The following IGSF21 variants were observed in gnomAD, a reference collection of about 807,000 sequenced individuals.
The protein encoded by IGSF21 is immunoglobin superfamily member 21.
Under a neutral mutation model 46.8 loss-of-function variants are expected in IGSF21, and 28 were observed. The observed-to-expected ratio is 0.60, with a 90% CI of 0.44 to 0.82. The LOEUF is 0.82. IGSF21 is among the 40% of genes least tolerant of loss of function. IGSF21 has a pLI of 0.00. For synonymous variants in IGSF21, 284 were observed against 273.6 expected (o/e 1.04, Z -0.38); for missense variants, 624 against 665.5 (o/e 0.94, Z 0.69).
At chr1:18,237,497 G>C (rs4920311) in intron 2 of IGSF21, among the ~76,000 whole-genome samples, 99,402 of 152,140 alleles carry the variant, frequency 0.65, 38,625 homozygotes, top group Non-Finnish European at 0.89. Flanking sequence ...CCCCACAGAC[G>C]AGCTGCTTCT....
chr1:18,248,560 A>G (rs2084805905), intron 2 of IGSF21, among the ~76,000 whole-genome samples: 1 of 152,138 alleles, frequency 6.6e-6, no homozygotes, highest in Non-Finnish European at 1.5e-5. Flanking sequence ...TGGGGCCTTG[A>G]GAGATTCATT....
rs542408995 is a variant in IGSF21 at position 18,342,045 on chromosome 1, A to G, written c.424+7035A>G. On this transcript the variant is annotated intron_variant, in intron 4 of 9. Transcript: ENST00000251296. ...GATTTTTATTAAGTGTGCCTGGTGC[A>G]TTTTCCTTGTTTTTTTTTTTTTTGT... Among the ~76,000 whole-genome samples, 198 of 94,996 alleles carry G rather than the reference A, an allele frequency of 2.1e-3. 2 individuals carry two copies. The highest frequency in any genetic ancestry group is 7.0e-3 in the African/African-American group (186 of 26,440). 62.3% of individuals were successfully genotyped at this position (94,996 alleles called of 152,430 possible). A position where few individuals can be genotyped will look rare whatever the true frequency, so the allele number is the denominator to read the frequency against.
intron 1 of IGSF21, among the ~76,000 whole-genome samples, chr1:18,140,430 T>C (rs1193095769): frequency 1.3e-5 from 2 of 152,130 alleles, no homozygotes; most frequent in African/African-American, 4.8e-5. Context: ...TTTCTCACAG[T>C]CTGCATCTCG....
chr1:18,212,423 G>C (rs934364975), intron 1 of IGSF21, among the ~76,000 whole-genome samples: 2 of 152,178 alleles, frequency 1.3e-5, no homozygotes, highest in African/African-American at 4.8e-5. Flanking sequence ...TTCTCCAATA[G>C]AACATTTCAG....
chr1:18,274,232 G>T (rs1399350889), intron 2 of IGSF21, among the ~76,000 whole-genome samples: 1 of 152,072 alleles, frequency 6.6e-6, no homozygotes, highest in Non-Finnish European at 1.5e-5. Flanking sequence ...GCCTATGAAG[G>T]CTATAACCAC....
intron 2 of IGSF21, among the ~76,000 whole-genome samples, chr1:18,288,099 G>T (rs2085233067): frequency 6.6e-6 from 1 of 152,204 alleles, no homozygotes; most frequent in Admixed American, 6.5e-5. Flanking sequence ...CCATTTCACA[G>T]ATGAGGAAAC....
In IGSF21 at chr1:18,299,444, G is replaced by A. The variant is rs115943466; in HGVS notation, c.305+7457G>A. Reference sequence around the variant, plus strand: ...CAAAGAAAAGTGCCATCTGACCCTCGTTGATTTCAAAGTCTGAATTCTCCA... The same window carrying A: ...CAAAGAAAAGTGCCATCTGACCCTCATTGATTTCAAAGTCTGAATTCTCCA... On this transcript the variant is annotated intron_variant, in intron 3 of 9. Coordinates refer to ENST00000251296, the MANE Select transcript of IGSF21 (RefSeq NM_032880.5). Among the ~76,000 whole-genome samples the A allele has an allele frequency of 4.6e-3, 693 of 152,276 alleles. 1 individual carries two copies. The highest frequency in any genetic ancestry group is 0.01 in the Middle Eastern group (3 of 294).
chr1:18,133,248 C>T (rs1315663041), intron 1 of IGSF21, among the ~76,000 whole-genome samples: 1 of 152,210 alleles, frequency 6.6e-6, no homozygotes, highest in African/African-American at 2.4e-5. Flanking sequence ...CCTGAGGCCC[C>T]CAGAGCATGT....
At chr1:18,176,874 G>A (rs992277327) in intron 1 of IGSF21, among the ~76,000 whole-genome samples, 2 of 152,250 alleles carry the variant, frequency 1.3e-5, no homozygotes, top group East Asian at 3.8e-4. Flanking sequence ...CAGGCCAGCT[G>A]TGACTTTAGC....
chr1:18,161,684 T>G (rs1378469088), intron 1 of IGSF21, among the ~76,000 whole-genome samples: 1 of 152,080 alleles, frequency 6.6e-6, no homozygotes, highest in Non-Finnish European at 1.5e-5. Context: ...AACAAACACA[T>G]GTTTGAAAGG....
rs553542560 is a variant in IGSF21, at chr1:18,292,363, C to T, written c.305+376C>T. On this transcript the variant is annotated intron_variant, in intron 3 of 9. Transcript: ENST00000251296. ...CGCTGGGCGGTGAAGCAGTTCTGCCCGGCTTGGAAGCTCAAACACCACATT... is the reference window on the plus strand; with the variant it reads ...CGCTGGGCGGTGAAGCAGTTCTGCCTGGCTTGGAAGCTCAAACACCACATT... Among the ~76,000 whole-genome samples, 631 of 152,340 alleles carry T rather than the reference C, an allele frequency of 4.1e-3. 10 individuals carry two copies. Among genetic ancestry groups the T allele is most frequent in the Middle Eastern group, 6.8e-3 (2 of 294 alleles).
At chr1:18,375,118 C>T (rs914213453) in intron 6 of IGSF21, among the ~76,000 whole-genome samples, 11 of 152,186 alleles carry the variant, frequency 7.2e-5, no homozygotes, top group Admixed American at 3.3e-4. Flanking sequence ...TCTGAGCCCC[C>T]TCCCTTGGTC....
chr1:18,364,968 A>G (rs895074604), intron 5 of IGSF21, among the ~76,000 whole-genome samples: 25 of 152,172 alleles, frequency 1.6e-4, no homozygotes, highest in African/African-American at 5.5e-4. Context: ...ACTGAGGCTC[A>G]AAAAACCTCA....
chr1:18,216,484 G>C (rs544817088), intron 1 of IGSF21, among the ~76,000 whole-genome samples: 48 of 152,232 alleles, frequency 3.2e-4, no homozygotes, highest in African/African-American at 1.2e-3. Context: ...TAGGGGGCTG[G>C]GTACCTTAGA....
Position 18,142,066 on chromosome 1 carries a change from G to A in IGSF21, c.70+33868G>A, listed in dbSNP as rs561266715. Among the ~76,000 whole-genome samples the A allele has an allele frequency of 5.9e-5, 9 of 152,120 alleles. No homozygotes were observed. In the South Asian group the frequency reaches 1.2e-3, roughly 21 times the overall value. ...GCCTGGGCAACAGAGTGATACTGTC[G>A]CAAAATAATTTTTATATGTATATGT... On this transcript the variant is annotated intron_variant, in intron 1 of 9. Coordinates refer to ENST00000251296, the MANE Select transcript of IGSF21 (RefSeq NM_032880.5).
At chr1:18,311,140 T>A (rs1254478446) in intron 3 of IGSF21, among the ~76,000 whole-genome samples, 3 of 152,178 alleles carry the variant, frequency 2.0e-5, no homozygotes, top group Admixed American at 2.0e-4. Context: ...AAAGAACATG[T>A]ACACATTCAC....
chr1:18,153,966 C>T (rs769014012), intron 1 of IGSF21, among the ~76,000 whole-genome samples: 11 of 152,146 alleles, frequency 7.2e-5, no homozygotes, highest in African/African-American at 1.4e-4. Flanking sequence ...AAGAGTCTTG[C>T]CCGCATCACA....
intron 1 of IGSF21, chr1:18,115,397 A>G (rs1053944436): frequency 3.9e-5 from 6 of 152,226 alleles, no homozygotes; most frequent in African/African-American, 1.4e-4. Context: ...GAACAGAGCT[A>G]TTGAGGGTGA....
At position 18,282,446 on chromosome 1, in the gene IGSF21, C is replaced by T. The variant is rs534899147; in HGVS notation, c.184-9420C>T. Among the ~76,000 whole-genome samples the T allele has an allele frequency of 8.6e-5, 13 of 152,036 alleles. No individual in the cohort carries two copies. In the South Asian group the frequency reaches 1.9e-3, roughly 22 times the overall value. On this transcript the variant is annotated intron_variant, in intron 2 of 9. Coordinates refer to ENST00000251296, the MANE Select transcript of IGSF21 (RefSeq NM_032880.5). Reference sequence around the variant, plus strand: ...TAGCCCCTAAAGCATGAAGCGGGAGCGGGGTGCTGCATGGGAGGTGGAGAA... The same window carrying T: ...TAGCCCCTAAAGCATGAAGCGGGAGTGGGGTGCTGCATGGGAGGTGGAGAA...
Sources: allele counts gnomAD v4.1 joint callset (sites outside exome capture counted in the v4.1 genomes callset), GRCh38; gene constraint gnomAD v4.1.1; transcripts MANE v1.5; gene names NCBI Gene and HGNC (gene_info 2026-07-23, HGNC 2026-07-21).